The following DNAJC6 variants were observed in gnomAD, a reference collection of about 807,000 sequenced individuals.
DNAJC6 encodes the protein DnaJ heat shock protein family (Hsp40) member C6, also known as auxilin.
In DNAJC6, 34 loss-of-function variants were observed where a neutral mutation model predicts 110.0. The ratio of observed to expected loss-of-function variants is 0.31; its 90% confidence interval spans 0.24 to 0.41. DNAJC6 has a LOEUF of 0.41. DNAJC6 is among the 10% of genes least tolerant of loss of function. The pLI, the probability that DNAJC6 is intolerant of heterozygous loss-of-function variation, is 1.00. For missense variants in DNAJC6, 1,031 were observed against 1,207.8 expected, an observed-to-expected ratio of 0.85 and a Z score of 2.17; for synonymous variants, 406 against 437.2, an observed-to-expected ratio of 0.93 and a Z score of 0.89.
chr1:65,383,845 C>A (rs770903647), intron 5 of DNAJC6, among the ~76,000 whole-genome samples: 2 of 152,166 alleles, frequency 1.3e-5, no homozygotes, highest in Admixed American at 6.5e-5. Context: ...TTTACCTAAC[C>A]TGTGAGCTCG....
chr1:65,318,045 G>A (rs1645163716), intron 1 of DNAJC6, among the ~76,000 whole-genome samples: 1 of 152,158 alleles, frequency 6.6e-6, no homozygotes, highest in African/African-American at 2.4e-5. Context: ...AGCAGATGGT[G>A]CTGGGAAGAT....
chr1:65,413,157 A>C lies in DNAJC6; in HGVS notation c.*132A>C. On this transcript the variant is annotated 3_prime_UTR_variant, in exon 19 of 19. Coordinates refer to ENST00000371069, the MANE Select transcript of DNAJC6 (RefSeq NM_001256864.2). ...GTACTAAACCGTTAAGTTACTCATG[A>C]ATTAATTTCTCATTGATAAGGAATG... The C allele has an allele frequency of 1.5e-6, 1 of 680,398 alleles. No individual in the cohort carries two copies. Among genetic ancestry groups the C allele is most frequent in the Non-Finnish European group, 2.4e-6 (1 of 408,736 alleles). The allele number at this position is 680,398 out of a possible 1,614,324, so 42.1% of individuals were successfully genotyped here.
chr1:65,314,105 AG>A, intron 1 of DNAJC6, among the ~76,000 whole-genome samples: 1 of 152,202 alleles, frequency 6.6e-6, no homozygotes, highest in South Asian at 2.1e-4. Flanking sequence ...GTATAATGAT[AG>A]GTAAGGATTT....
intron 1 of DNAJC6, among the ~76,000 whole-genome samples, chr1:65,285,930 CAA>C (rs1317355340): frequency 2.0e-5 from 3 of 152,182 alleles, no homozygotes; most frequent in Non-Finnish European, 4.4e-5. Context: ...CTCGGCCTTC[CAA>C]AGTGCTGGGA....
intron 18 of DNAJC6, among the ~76,000 whole-genome samples, chr1:65,412,604 C>T (rs1388764844): frequency 6.6e-6 from 1 of 152,160 alleles, no homozygotes; most frequent in Non-Finnish European, 1.5e-5. Context: ...TAAAAACAGT[C>T]AATAGAGATG....
At chr1:65,331,059 T>C (rs1284715782) in intron 1 of DNAJC6, among the ~76,000 whole-genome samples, 2 of 152,212 alleles carry the variant, frequency 1.3e-5, no homozygotes, top group Non-Finnish European at 2.9e-5. Flanking sequence ...AAGGAAAGCC[T>C]GGGAAATGTA....
intron 4 of DNAJC6, among the ~76,000 whole-genome samples, chr1:65,370,228 T>C (rs9326063): frequency 0.66 from 100,833 of 151,988 alleles, 34,180 homozygotes; most frequent in African/African-American, 0.82. Context: ...CATCTGTTTC[T>C]GCTCCTTTAA....
intron 1 of DNAJC6, among the ~76,000 whole-genome samples, chr1:65,336,497 G>C (rs1334130533): frequency 6.6e-6 from 1 of 152,106 alleles, no homozygotes; most frequent in Non-Finnish European, 1.5e-5. Flanking sequence ...AAAGTAAAAA[G>C]GGGAAACACA....
At chr1:65,356,176 TC>T (rs1645541725) in intron 1 of DNAJC6, among the ~76,000 whole-genome samples, 2 of 152,140 alleles carry the variant, frequency 1.3e-5, no homozygotes, top group Admixed American at 6.5e-5. Flanking sequence ...CTAAATGTTA[TC>T]TTTTTTTCTC....
Position 65,289,932 on chromosome 1 carries a change from C to T in DNAJC6, c.-131+25000C>T, listed in dbSNP as rs539763618. Among the ~76,000 whole-genome samples, 9 of 151,962 alleles carry T rather than the reference C, an allele frequency of 5.9e-5. 1 individual carries two copies. In the South Asian group the frequency reaches 6.2e-4, roughly 11 times the overall value. ...TCAAGCAAATCTCCTGCCTCAGGCT[C>T]CTGAGTAGCTGGGATTATAGGCGCC... On this transcript the variant is annotated intron_variant, in intron 1 of 19. Transcript: ENST00000263441.
At chr1:65,350,423 G>A (rs1645479761) in intron 1 of DNAJC6, among the ~76,000 whole-genome samples, 1 of 152,078 alleles carries the variant, frequency 6.6e-6, no homozygotes, top group Admixed American at 6.5e-5. Context: ...TAAGCTTAAA[G>A]TTCTTGTCTA....
intron 1 of DNAJC6, among the ~76,000 whole-genome samples, chr1:65,285,267 A>G (rs927767268): frequency 1.3e-5 from 2 of 152,162 alleles, no homozygotes; most frequent in East Asian, 1.9e-4. Flanking sequence ...CAAATCTCCT[A>G]TACATGATTT....
At chr1:65,397,093 T>C (rs1241291785) in intron 13 of DNAJC6, among the ~76,000 whole-genome samples, 1 of 152,218 alleles carries the variant, frequency 6.6e-6, no homozygotes, top group Non-Finnish European at 1.5e-5. Context: ...GGCCAGTTAG[T>C]ACTCCTTTGT....
chr1:65,310,151 G>A (rs2101360373), intron 1 of DNAJC6, among the ~76,000 whole-genome samples: 1 of 150,262 alleles, frequency 6.7e-6, no homozygotes, highest in South Asian at 2.2e-4. Context: ...GAGGCCCAGA[G>A]ACTGTAGCGA....
chr1:65,320,058 A>G (rs1354065545), intron 1 of DNAJC6, among the ~76,000 whole-genome samples: 2 of 152,186 alleles, frequency 1.3e-5, no homozygotes, highest in East Asian at 1.9e-4. Context: ...ATGTGGCTCA[A>G]AAGGTGTGAA....
intron 1 of DNAJC6, among the ~76,000 whole-genome samples, chr1:65,316,674 C>T (rs1409533410): frequency 6.6e-6 from 1 of 152,098 alleles, no homozygotes; most frequent in Non-Finnish European, 1.5e-5. Flanking sequence ...AATAAGCATA[C>T]AGCTAGGTTT....
rs185359437 is a variant in DNAJC6 at position 65,278,496 on chromosome 1, G to T, written c.-131+13564G>T. Among the ~76,000 whole-genome samples, 580 of 152,298 alleles carry T rather than the reference G, an allele frequency of 3.8e-3. 1 individual carries two copies. Among genetic ancestry groups the T allele is most frequent in the Non-Finnish European group, 6.8e-3 (461 of 68,030 alleles). On this transcript the variant is annotated intron_variant, in intron 1 of 19. Transcript: ENST00000263441. ...AACTCTGACTCTAGTACTTGAAAAT[G>T]TACTAAGTAAGAGGGCTTTGGGATG... is the stretch of plus-strand genomic sequence containing the variant.
At chr1:65,362,600 C>G (rs1645608335) in intron 1 of DNAJC6, among the ~76,000 whole-genome samples, 1 of 152,098 alleles carries the variant, frequency 6.6e-6, no homozygotes, top group Non-Finnish European at 1.5e-5. Context: ...TTAATCTTTC[C>G]CTATGGAGTA....
At chr1:65,334,181 T>A (rs1000846166) in intron 1 of DNAJC6, among the ~76,000 whole-genome samples, 4 of 152,222 alleles carry the variant, frequency 2.6e-5, no homozygotes, top group African/African-American at 2.4e-5. Context: ...ACTGCAAGTA[T>A]AACATGTAAC....
Sources: allele counts gnomAD v4.1 joint callset (sites outside exome capture counted in the v4.1 genomes callset), GRCh38; gene constraint gnomAD v4.1.1; transcripts MANE v1.5; gene names NCBI Gene and HGNC (gene_info 2026-07-23, HGNC 2026-07-21).